FN1: variants seen among roughly 807,000 people sequenced by gnomAD.
FN1 encodes the protein fibronectin 1, also known as fibronectin.
A neutral mutation model predicts 297.3 loss-of-function variants in FN1; 106 were observed. The ratio of observed to expected loss-of-function variants is 0.36; its 90% CI spans 0.30 to 0.42. The LOEUF (loss-of-function observed/expected upper bound fraction) is 0.42, where lower values mean the gene tolerates loss of function less well. FN1 is among the 10% of genes least tolerant of loss of function. The pLI is 1.00. For missense variants in FN1, 2,690 were observed against 3,124.9 expected, an observed-to-expected ratio of 0.86 and a Z score of 3.32; for synonymous variants, 1,149 against 1,152.6, an observed-to-expected ratio of 1.00 and a Z score of 0.06.
intron 6 of FN1, among the ~76,000 whole-genome samples, chr2:215,426,143 C>CTTTTTTTTTTTTTT (rs58002948): frequency 2.0e-5 from 2 of 101,074 alleles, no homozygotes; most frequent in South Asian, 5.1e-4. Flanking sequence ...TTTCTTTTTT[C>CTTTTTTTTTTTTTT]TTTTTTTTTT....
intron 23 of FN1, 107 bp downstream of exon 23, chr2:215,397,030 C>T: frequency 1.2e-6 from 1 of 815,232 alleles, no homozygotes. Context: ...GAGAGCTAAG[C>T]ATTTGTAATT....
rs758427217 is a variant in FN1 at position 215,365,644 on chromosome 2, G to A, written c.7019-14C>T. 2.0e-5 allele frequency: 32 copies of A among 1,613,632 alleles called. No individual in the cohort carries two copies. In the East Asian group the frequency reaches 6.0e-4, roughly 30 times the overall value. On this transcript the variant is annotated splice_polypyrimidine_tract_variant and intron_variant, in intron 42 of 45. Transcript: ENST00000354785. Reference sequence around the variant, plus strand: ...CATGGCACCATCCTGTAGGGGTGGGGAAAGTCAGGACCAAAAAGTTATTTG... The same window carrying A: ...CATGGCACCATCCTGTAGGGGTGGGAAAAGTCAGGACCAAAAAGTTATTTG...
At position 215,414,926 on chromosome 2, in the gene FN1, C is replaced by T. The variant is rs778404187; in HGVS notation, c.1852G>A (p.Glu618Lys). 26 of 1,613,594 alleles carry T rather than the reference C, an allele frequency of 1.6e-5. No individual in the cohort carries two copies. In the South Asian group the frequency reaches 2.7e-4, roughly 17 times the overall value. Reference sequence around the variant, plus strand: ...TGGGAGTTGGGCTGACTCGGAGTCTCAGTGATAAATACTTCGACAGGACCA... The same window carrying T: ...TGGGAGTTGGGCTGACTCGGAGTCTTAGTGATAAATACTTCGACAGGACCA... ...SSGPVEVFIT[E>K]TPSQPNSHPI... The change falls in exon 13 of 46, where the codon GAG becomes AAG. Residue 618 changes from glutamate to lysine, a missense_variant. Transcript: ENST00000354785.
At chr2:215,405,121 A>G (rs1315324541) in intron 19 of FN1, among the ~76,000 whole-genome samples, 1 of 152,180 alleles carries the variant, frequency 6.6e-6, no homozygotes, top group East Asian at 1.9e-4. Context: ...AATAAAAGTT[A>G]TTTTCACATG....
intron 13 of FN1, among the ~76,000 whole-genome samples, chr2:215,412,974 T>C (rs1240095258): frequency 6.6e-6 from 1 of 152,170 alleles, no homozygotes; most frequent in Non-Finnish European, 1.5e-5. Context: ...AAATACATTC[T>C]TTTCAATGAG....
In FN1 at chr2:215,419,555, T is replaced by G. The variant is rs73091316; in HGVS notation, c.1676-170A>C. ...CACATTCTTTACCTTACAGGACAGTTTGTAGTAAAAAAAAAACCAAAGTAC... is the reference window on the plus strand; with the variant it reads ...CACATTCTTTACCTTACAGGACAGTGTGTAGTAAAAAAAAAACCAAAGTAC... On this transcript the variant is annotated intron_variant, in intron 11 of 45. Transcript: ENST00000354785. Among the ~76,000 whole-genome samples, 798 of 138,220 alleles carry G rather than the reference T, an allele frequency of 5.8e-3. 7 individuals are homozygous for G. Among genetic ancestry groups the G allele is most frequent in the African/African-American group, 0.02 (773 of 39,524 alleles). 90.7% of individuals were successfully genotyped at this position (138,220 alleles called of 152,430 possible).
In FN1 at chr2:215,409,766, C is replaced by A. The variant is rs754777817; in HGVS notation, c.2123-27G>T. ...TAGAGAGTCACAGAAAGGGGAAAGT[C>A]AGCCTTCAGTCATCTAGAAAATTTA... On this transcript the variant is annotated intron_variant, in intron 14 of 45. Transcript: ENST00000354785. The A allele has an allele frequency of 6.8e-6, 11 of 1,613,222 alleles. No homozygotes were observed. The Admixed American group carries it at 8.3e-5, about 12-fold the overall frequency.
In FN1 at chr2:215,408,138, G is replaced by T; in HGVS notation, c.2488C>A (p.Arg830Ser). Residue 830 changes from arginine (R) to serine (S), a missense_variant, in exon 17 of 46, where the codon CGC becomes AGC. Physicochemically the swap from Arg to Ser is moderately radical, Grantham distance 110. This residue lies in a region of FN1 where 876 missense variants were observed against 1,058.1 expected (regional missense o/e 0.83). Coordinates refer to ENST00000354785, the MANE Select transcript of FN1 (RefSeq NM_212482.4). ...DQVDDTSIVV[R>S]WSRPQAPITG... Reference sequence around the variant, plus strand: ...ATGGGAGCCTGGGGTCTGCTCCAGCGAACAACAATTGAGGTGTCATCAACT... The same window carrying T: ...ATGGGAGCCTGGGGTCTGCTCCAGCTAACAACAATTGAGGTGTCATCAACT... 6.2e-7 allele frequency: 1 copy of T among 1,614,034 alleles called. No individual in the cohort carries two copies. The highest frequency in any genetic ancestry group is 1.1e-5 in the South Asian group (1 of 91,066).
chr2:215,395,547 AAAAAC>A (rs2060212817), intron 23 of FN1, among the ~76,000 whole-genome samples: 1 of 151,998 alleles, frequency 6.6e-6, no homozygotes, highest in South Asian at 2.1e-4. Context: ...CTCAAAAAAA[AAAAAC>A]AAAACAAACA....
intron 19 of FN1, 116 bp from the exon 20 acceptor site, chr2:215,404,771 A>G (rs1301221980): frequency 5.9e-6 from 6 of 1,017,480 alleles, no homozygotes; most frequent in Non-Finnish European, 9.1e-6. Context: ...TAACTATGTG[A>G]AAGTCAAAAC....
At chr2:215,423,625 C>CATTCACAGACAGTCT (rs925186268) in intron 8 of FN1, 99 bp from the exon 9 acceptor site, 4 of 1,008,406 alleles carry the variant, frequency 4.0e-6, no homozygotes, top group Admixed American at 1.9e-5. Context: ...TTCTGCAGCT[C>CATTCACAGACAGTCT]ATTCACAGAC....
intron 20 of FN1, among the ~76,000 whole-genome samples, chr2:215,403,837 A>C (rs1419996148): frequency 6.6e-6 from 1 of 152,216 alleles, no homozygotes; most frequent in East Asian, 1.9e-4. Context: ...CTCATAAAGA[A>C]ATCATTTCCT....
chr2:215,422,310 A>G, intron 9 of FN1, 67 bp from the exon 10 acceptor site: 1 of 1,456,336 alleles, frequency 6.9e-7, no homozygotes, highest in African/African-American at 1.4e-5. Flanking sequence ...TATGTGTGCA[A>G]AAGGATCAGT....
chr2:215,370,559 A>C lies in FN1; in HGVS notation c.6715-127T>G, dbSNP rs2055772194. 9 of 837,380 alleles carry C rather than the reference A, an allele frequency of 1.1e-5. 1 individual carries two copies. Among genetic ancestry groups the C allele is most frequent in the Middle Eastern group, 3.4e-4 (1 of 2,938 alleles). 51.9% of individuals were successfully genotyped at this position (837,380 alleles called of 1,614,324 possible). ...GGAAGACAAAAAACAAAAAACAAAA[A>C]AAAAAAAAAGAGGGAGGGTATAGTG... On this transcript the variant is annotated intron_variant, in intron 40 of 45. Transcript: ENST00000354785.
At chr2:215,368,669 G>A (rs545185456) in intron 41 of FN1, among the ~76,000 whole-genome samples, 2 of 152,174 alleles carry the variant, frequency 1.3e-5, no homozygotes, top group South Asian at 4.2e-4. Context: ...GCATAATAGT[G>A]CAGAAAGCCT....
intron 26 of FN1, 73 bp from the exon 27 acceptor site, chr2:215,388,374 T>C (rs2059294310): frequency 2.9e-6 from 3 of 1,028,288 alleles, no homozygotes; most frequent in Non-Finnish European, 4.6e-6. Flanking sequence ...CCCAGGACTA[T>C]TTGAACTGAT....
intron 20 of FN1, 82 bp downstream of exon 20, chr2:215,404,307 T>TTTGTTG: frequency 8.1e-7 from 1 of 1,233,470 alleles, no homozygotes; most frequent in Non-Finnish European, 1.2e-6. Flanking sequence ...ATGTTTTTTT[T>TTTGTTG]GTTTTGTTTT....
Position 215,430,706 on chromosome 2 carries a change from A to G in FN1, c.685+9T>C, listed in dbSNP as rs1188053134. The G allele has an allele frequency of 2.5e-6, 4 of 1,613,764 alleles. No homozygotes were observed. In the South Asian group the frequency reaches 3.3e-5, roughly 13 times the overall value. On this transcript the variant is annotated intron_variant, in intron 5 of 45. Coordinates refer to ENST00000354785, the MANE Select transcript of FN1 (RefSeq NM_212482.4). ...GGCTTAATCTTTAACATAAAGATGT[A>G]AAACATACTTCTAGAAGTGCAAGTG...
At chr2:215,423,212 A>ACACACT in intron 9 of FN1, 138 bp downstream of exon 9, 3 of 779,580 alleles carry the variant, frequency 3.8e-6, no homozygotes, top group Non-Finnish European at 6.4e-6. Flanking sequence ...ACACACACAC[A>ACACACT]AACACACTTC....
Sources: gnomAD v4.1 joint callset for allele counts (sites outside exome capture counted in the v4.1 genomes callset) on GRCh38, gnomAD v4.1.1 for gene constraint, gnomAD v4.1.1 regional missense constraint, MANE v1.5 for transcripts, NCBI Gene and HGNC (gene_info 2026-07-23, HGNC 2026-07-21) for gene names.